Variants in ASCC3 observed in about 807,000 individuals in gnomAD.
The protein encoded by ASCC3 is activating signal cointegrator 1 complex subunit 3.
A neutral mutation model predicts 256.3 loss-of-function variants in ASCC3; 158 were observed. That is an observed-to-expected ratio of 0.62 (90% confidence interval 0.54 to 0.70). ASCC3 has a LOEUF of 0.70. Among genes scored for constraint, ASCC3 ranks in the 30% least tolerant of loss-of-function variants. The pLI is 0.00. For missense variants in ASCC3, 2,259 were observed against 2,626.0 expected, an observed-to-expected ratio of 0.86 and a Z score of 3.05; for synonymous variants, 948 against 883.4, an observed-to-expected ratio of 1.07 and a Z score of -1.30.
At chr6:100,570,960 A>C (rs534399715) in intron 36 of ASCC3, among the ~76,000 whole-genome samples, 1 of 152,274 alleles carries the variant, frequency 6.6e-6, no homozygotes, top group African/African-American at 2.4e-5. Context: ...ATCTTCTCTC[A>C]TGTGGACTTT....
At chr6:100,717,715 T>C (rs1048041201) in intron 12 of ASCC3, among the ~76,000 whole-genome samples, 2 of 152,094 alleles carry the variant, frequency 1.3e-5, no homozygotes, top group East Asian at 3.8e-4. Context: ...ATCATCACAA[T>C]ATATATTACT....
chr6:100,670,556 C>T (rs985311951), intron 14 of ASCC3, among the ~76,000 whole-genome samples: 1 of 147,974 alleles, frequency 6.8e-6, no homozygotes, highest in South Asian at 2.2e-4. Flanking sequence ...AGAACAGATA[C>T]AACCATCTTC....
rs573501527 is a variant in ASCC3, at chr6:100,749,664, T to C, written c.1737+16901A>G. Among the ~76,000 whole-genome samples the C allele has an allele frequency of 5.5e-4, 84 of 152,034 alleles. 1 individual carries two copies. The highest frequency in any genetic ancestry group is 2.0e-3 in the African/African-American group (81 of 41,538). ...ATATTTATCATAAAGAGGAATGCCC[T>C]CTAATGTTCCGTTGACTGCAATTAT... On this transcript the variant is annotated intron_variant, in intron 10 of 41. Coordinates refer to ENST00000369162, the MANE Select transcript of ASCC3 (RefSeq NM_006828.4).
At chr6:100,834,911 C>T (rs1469020900) in intron 4 of ASCC3, among the ~76,000 whole-genome samples, 1 of 151,970 alleles carries the variant, frequency 6.6e-6, no homozygotes, top group East Asian at 1.9e-4. Flanking sequence ...CTGACAGAAA[C>T]TTTTGAAAAC....
intron 4 of ASCC3, among the ~76,000 whole-genome samples, chr6:100,833,057 C>G (rs1445174174): frequency 6.6e-6 from 1 of 151,910 alleles, no homozygotes; most frequent in Non-Finnish European, 1.5e-5. Context: ...ACCAACATAT[C>G]CTTCAATAGG....
chr6:100,650,826 G>A lies in ASCC3; in HGVS notation c.3076-112C>T, dbSNP rs76786546. The stretch of plus-strand genomic sequence containing the variant: ...AAGAGTTTCCATTTACTATAATGCA[G>A]CATTTTTCTTTCATAGAGTTAAATA... On this transcript the variant is annotated intron_variant, in intron 19 of 41. Transcript: ENST00000369162. 2.1e-3 allele frequency: 1,828 copies of A among 865,438 alleles called. 19 individuals carry two copies. The African/African-American group carries it at 0.025, about 12-fold the overall frequency. 53.6% of individuals were successfully genotyped at this position (865,438 alleles called of 1,614,324 possible). A position where few individuals can be genotyped will look rare whatever the true frequency, so the allele number is the denominator to read the frequency against.
At chr6:100,683,789 G>A (rs564890857) in intron 13 of ASCC3, among the ~76,000 whole-genome samples, 1 of 143,974 alleles carries the variant, frequency 6.9e-6, no homozygotes, top group South Asian at 2.2e-4. Context: ...TTTAGGTTAT[G>A]CATTTAAAAA....
intron 16 of ASCC3, among the ~76,000 whole-genome samples, chr6:100,658,932 A>C (rs555419289): frequency 6.6e-6 from 1 of 151,502 alleles, no homozygotes; most frequent in Non-Finnish European, 1.5e-5. Flanking sequence ...CTGATGAATA[A>C]ATTTTAATAA....
intron 36 of ASCC3, among the ~76,000 whole-genome samples, chr6:100,584,302 T>C (rs1282560282): frequency 2.6e-5 from 4 of 151,666 alleles, no homozygotes; most frequent in African/African-American, 9.7e-5. Context: ...TTAGGATAGT[T>C]AGCTCTTCTT....
At chr6:100,641,713 ATG>A (rs1775126490) in intron 24 of ASCC3, among the ~76,000 whole-genome samples, 1 of 152,182 alleles carries the variant, frequency 6.6e-6, no homozygotes, top group Admixed American at 6.5e-5. Flanking sequence ...ACACATGCAC[ATG>A]TATGTTTACT....
intron 13 of ASCC3, among the ~76,000 whole-genome samples, chr6:100,711,691 T>C (rs540587532): frequency 1.3e-5 from 2 of 152,168 alleles, no homozygotes; most frequent in East Asian, 1.9e-4. Context: ...GATTGTGCCA[T>C]TGCACTCCAG....
chr6:100,825,325 G>T (rs1407218629), intron 4 of ASCC3, among the ~76,000 whole-genome samples: 9 of 148,304 alleles, frequency 6.1e-5, no homozygotes, highest in Non-Finnish European at 1.3e-4. Context: ...ATAATGTCAA[G>T]TAATATTCTA....
intron 36 of ASCC3, among the ~76,000 whole-genome samples, chr6:100,550,130 G>T (rs1343140140): frequency 6.6e-6 from 1 of 151,916 alleles, no homozygotes; most frequent in African/African-American, 2.4e-5. Flanking sequence ...GGTGGAGGTG[G>T]TGGAAGGAGA....
At chr6:100,613,818 C>G (rs1027860702) in intron 30 of ASCC3, among the ~76,000 whole-genome samples, 2 of 152,042 alleles carry the variant, frequency 1.3e-5, no homozygotes, top group Non-Finnish European at 2.9e-5. Flanking sequence ...GTTCCCTTTC[C>G]CCTGCATCCT....
At chr6:100,663,527 C>T (rs1019447049) in intron 14 of ASCC3, among the ~76,000 whole-genome samples, 5 of 151,938 alleles carry the variant, frequency 3.3e-5, no homozygotes, top group African/African-American at 9.7e-5. Flanking sequence ...GCAAGTCACC[C>T]TTATTTTACT....
intron 10 of ASCC3, among the ~76,000 whole-genome samples, chr6:100,742,104 C>G (rs887844349): frequency 3.9e-5 from 6 of 152,076 alleles, no homozygotes; most frequent in African/African-American, 1.4e-4. Context: ...TCTTAACAGT[C>G]AAGCCACTCT....
rs543385033 is a variant in ASCC3 at position 100,796,627 on chromosome 6, G to A, written c.1395+2086C>T. Among the ~76,000 whole-genome samples the A allele has an allele frequency of 5.9e-5, 9 of 152,182 alleles. No individual in the cohort carries two copies. In the East Asian group the frequency reaches 1.7e-3, roughly 29 times the overall value. On this transcript the variant is annotated intron_variant, in intron 8 of 41. Transcript: ENST00000369162. ...TACACACATAGAGAAGAGGCTATGT[G>A]CAAACACAGGAAGAAGGCAGAAGTA... is the stretch of plus-strand genomic sequence containing the variant.
At chr6:100,646,572 G>T in intron 22 of ASCC3, 43 bp downstream of exon 22, 1 of 1,601,818 alleles carries the variant, frequency 6.2e-7, no homozygotes, top group South Asian at 1.1e-5. Context: ...CTGTAGTACA[G>T]ATATTTTTGT....
At chr6:100,731,817 G>T (rs568137164) in intron 10 of ASCC3, among the ~76,000 whole-genome samples, 4 of 152,240 alleles carry the variant, frequency 2.6e-5, no homozygotes, top group South Asian at 4.1e-4. Context: ...TGCTACATTT[G>T]TAAAACCCAG....
Sources: gnomAD v4.1 joint callset for allele counts (sites outside exome capture counted in the v4.1 genomes callset) on GRCh38, gnomAD v4.1.1 for gene constraint, MANE v1.5 for transcripts, NCBI Gene and HGNC (gene_info 2026-07-23, HGNC 2026-07-21) for gene names.